RALGAPA1: variants seen among roughly 807,000 people sequenced by gnomAD.
RALGAPA1 encodes Ral GTPase activating protein catalytic subunit alpha 1, also known as ral GTPase-activating protein subunit alpha-1.
In RALGAPA1, 52 loss-of-function variants were observed where a neutral mutation model predicts 269.6. The ratio of observed to expected loss-of-function variants is 0.19; its 90% CI spans 0.15 to 0.24. The LOEUF is 0.24. Ranked by LOEUF, RALGAPA1 falls within the 10% of genes least tolerant of loss-of-function variation. The pLI, the probability that RALGAPA1 is intolerant of heterozygous loss-of-function variation, is 1.00. For missense variants in RALGAPA1, 1,917 were observed against 3,013.9 expected, an observed-to-expected ratio of 0.64 and a Z score of 8.52; for synonymous variants, 817 against 1,008.3, an observed-to-expected ratio of 0.81 and a Z score of 3.60.
At chr14:35,666,282 G>A (rs766861021) in intron 26 of RALGAPA1, among the ~76,000 whole-genome samples, 1 of 152,004 alleles carries the variant, frequency 6.6e-6, no homozygotes, top group African/African-American at 2.4e-5. Context: ...ATTAATATCT[G>A]TGGTAGGTTC....
chr14:35,806,104 T>C (rs1167142150), intron 1 of RALGAPA1, among the ~76,000 whole-genome samples: 1 of 152,246 alleles, frequency 6.6e-6, no homozygotes, highest in African/African-American at 2.4e-5. Context: ...TATTCAATTA[T>C]GTACTTTAAA....
At chr14:35,623,082 C>CAA (rs71445949) in intron 35 of RALGAPA1, among the ~76,000 whole-genome samples, 17,906 of 89,574 alleles carry the variant, frequency 0.2, 1,869 homozygotes, top group East Asian at 0.39. Flanking sequence ...GACTCTGTCT[C>CAA]AAAAAAAAAA....
At chr14:35,670,652 C>A (rs1360781535) in intron 26 of RALGAPA1, among the ~76,000 whole-genome samples, 1 of 152,148 alleles carries the variant, frequency 6.6e-6, no homozygotes, top group African/African-American at 2.4e-5. Flanking sequence ...TGGCTGGGCA[C>A]GGTGGCTCAC....
chr14:35,545,468 AT>A (rs2054372253), intron 41 of RALGAPA1, among the ~76,000 whole-genome samples: 1 of 151,988 alleles, frequency 6.6e-6, no homozygotes, highest in African/African-American at 2.4e-5. Context: ...AATTTTATTA[AT>A]TTTATAATAT....
At position 35,634,752 on chromosome 14, in the gene RALGAPA1, T is replaced by C. The variant is rs556718222; in HGVS notation, c.5817A>G (p.Leu1939=). The change falls in exon 33 of 42, where the codon TTA becomes TTG. Residue 1939 remains leucine (L), a synonymous_variant. Coordinates refer to ENST00000680220, the MANE Select transcript of RALGAPA1 (RefSeq NM_001346249.2). Reference sequence around the variant, plus strand: ...ACTGAGCTCCATAAACACACCCATGTAAAACCTGAAAATACAGGGGGAAAC... The same window carrying C: ...ACTGAGCTCCATAAACACACCCATGCAAAACCTGAAAATACAGGGGGAAAC... ...KSVLNCIYKV[L]HGCVYGAQCF... 8.1e-5 allele frequency: 129 copies of C among 1,597,526 alleles called. No homozygotes were observed. The highest frequency in any genetic ancestry group is 1.1e-4 in the Non-Finnish European group (125 of 1,173,046).
intron 31 of RALGAPA1, 123 bp downstream of exon 31, chr14:35,651,682 A>C (rs1393747202): frequency 2.0e-5 from 16 of 801,284 alleles, no homozygotes; most frequent in Non-Finnish European, 2.9e-5. Flanking sequence ...GGCATTTCAC[A>C]TTATAGTAGA....
chr14:35,725,941 T>C (rs2069864405), intron 13 of RALGAPA1, among the ~76,000 whole-genome samples: 1 of 152,178 alleles, frequency 6.6e-6, no homozygotes, highest in Non-Finnish European at 1.5e-5. Flanking sequence ...CTTGCCTCCT[T>C]CTCTTAGATG....
chr14:35,617,478 C>A (rs1039931218), intron 35 of RALGAPA1, among the ~76,000 whole-genome samples: 1 of 151,938 alleles, frequency 6.6e-6, no homozygotes, highest in Non-Finnish European at 1.5e-5. Flanking sequence ...ATTAGCTGGG[C>A]GTGGTGGCGC....
At chr14:35,614,338 G>A (rs1291666057) in intron 35 of RALGAPA1, among the ~76,000 whole-genome samples, 1 of 151,982 alleles carries the variant, frequency 6.6e-6, no homozygotes, top group Non-Finnish European at 1.5e-5. Context: ...ACTGATGAAT[G>A]GATAAACAAA....
At chr14:35,562,782 G>A (rs2056375205) in intron 39 of RALGAPA1, among the ~76,000 whole-genome samples, 1 of 152,042 alleles carries the variant, frequency 6.6e-6, no homozygotes, top group African/African-American at 2.4e-5. Context: ...AGCACTTTGG[G>A]AGGCTGAGGT....
chr14:35,717,159 A>T (rs2068905055), intron 16 of RALGAPA1, among the ~76,000 whole-genome samples: 1 of 151,864 alleles, frequency 6.6e-6, no homozygotes, highest in Admixed American at 6.6e-5. Context: ...ATTCTATACC[A>T]TTTTTTTTGA....
chr14:35,769,390 A>G lies in RALGAPA1; in HGVS notation c.325+1552T>C, dbSNP rs1437139215. ...TCATATACTCTCATTTGTAAGTGGG[A>G]GCTAAACACTGGGTACTCATGGACG... On this transcript the variant is annotated intron_variant, in intron 4 of 41. Coordinates refer to ENST00000680220, the MANE Select transcript of RALGAPA1 (RefSeq NM_001346249.2). Among the ~76,000 whole-genome samples the G allele has an allele frequency of 2.0e-5, 3 of 152,196 alleles. No individual in the cohort carries two copies. In the East Asian group the frequency reaches 5.8e-4, roughly 29 times the overall value.
At chr14:35,580,936 T>A (rs372892838) in intron 37 of RALGAPA1, among the ~76,000 whole-genome samples, 5 of 152,146 alleles carry the variant, frequency 3.3e-5, no homozygotes, top group African/African-American at 4.8e-5. Flanking sequence ...CTTCAACCCG[T>A]GCTCATTAAT....
chr14:35,669,313 G>A (rs2064208353), intron 26 of RALGAPA1, among the ~76,000 whole-genome samples: 1 of 152,036 alleles, frequency 6.6e-6, no homozygotes, highest in African/African-American at 2.4e-5. Flanking sequence ...GGAGTGCAAT[G>A]GTGCGATCTC....
Position 35,595,633 on chromosome 14 carries a change from C to T in RALGAPA1, c.7209+1G>A, listed in dbSNP as rs1402045087. 1 of 1,610,108 alleles carries T rather than the reference C, an allele frequency of 6.2e-7. No homozygotes were observed. Among genetic ancestry groups the T allele is most frequent in the Non-Finnish European group, 8.5e-7 (1 of 1,178,184 alleles). On this transcript the variant is annotated splice_donor_variant, in intron 37 of 41. Transcript: ENST00000680220. LOFTEE classifies it high-confidence loss of function. ...ATTTGAAAGCACTTCTCAGCACTTA[C>T]TTTTTTGGTCAAAGAATCATCAGAA...
intron 35 of RALGAPA1, among the ~76,000 whole-genome samples, chr14:35,611,790 T>C (rs533640361): frequency 6.0e-4 from 92 of 152,160 alleles, no homozygotes; most frequent in African/African-American, 2.2e-3. Flanking sequence ...GACTAGCTCA[T>C]CCTAAAATTC....
At position 35,624,156 on chromosome 14, in the gene RALGAPA1, C is replaced by CAAA. The variant is rs377171729; in HGVS notation, c.6929+1202_6929+1204dup. On this transcript the variant is annotated intron_variant, in intron 35 of 41. Transcript: ENST00000680220. ...GAAATGCTCACAATATAATACAACG[C>CAAA]AAAAAAAAAAAAAAAAAACAACTTG... Among the ~76,000 whole-genome samples, 159 of 21,814 alleles carry CAAA rather than the reference C, an allele frequency of 7.3e-3. 3 individuals are homozygous for CAAA. The highest frequency in any genetic ancestry group is 0.016 in the East Asian group (14 of 894). 14.3% of individuals were successfully genotyped at this position (21,814 alleles called of 152,430 possible).
At chr14:35,557,111 TGTGTG>T (rs1404467398) in intron 39 of RALGAPA1, among the ~76,000 whole-genome samples, 7 of 149,400 alleles carry the variant, frequency 4.7e-5, no homozygotes, top group Non-Finnish European at 8.9e-5. Context: ...TGTGTGTGTG[TGTGTG>T]TGTGTGTGTG....
At position 35,771,122 on chromosome 14, in the gene RALGAPA1, G is replaced by A. The variant is rs570561854; in HGVS notation, c.268-123C>T. The A allele has an allele frequency of 1.3e-3, 540 of 400,106 alleles. 1 individual carries two copies. The highest frequency in any genetic ancestry group is 4.1e-3 in the Middle Eastern group (6 of 1,470). 24.8% of individuals were successfully genotyped at this position (400,106 alleles called of 1,614,324 possible). A position where few individuals can be genotyped will look rare whatever the true frequency, so the allele number is the denominator to read the frequency against. On this transcript the variant is annotated intron_variant, in intron 3 of 41. Coordinates refer to ENST00000680220, the MANE Select transcript of RALGAPA1 (RefSeq NM_001346249.2). ...AACAAATACAAAATAGGCCGGGCAC[G>A]GTGGCTCACACCTGTAATCCTAGCG... is the stretch of plus-strand genomic sequence containing the variant.
Sources: allele counts gnomAD v4.1 joint callset (sites outside exome capture counted in the v4.1 genomes callset), GRCh38; gene constraint gnomAD v4.1.1; transcripts MANE v1.5; gene names NCBI Gene and HGNC (gene_info 2026-07-23, HGNC 2026-07-21).